Variants in LMBRD1 observed in about 807,000 individuals in gnomAD.
LMBRD1 encodes the protein LMBR1 domain containing 1, also known as lysosomal cobalamin transport escort protein LMBD1.
LMBRD1 carries 64 observed loss-of-function variants against 74.8 expected under a neutral mutation model. The observed-to-expected ratio is 0.86, with a 90% CI of 0.70 to 1.05. The LOEUF is 1.05. Among genes scored for constraint, LMBRD1 ranks in the 50% least tolerant of loss-of-function variants. LMBRD1 has a pLI of 0.00. For synonymous variants in LMBRD1, 204 were observed against 216.3 expected, an observed-to-expected ratio of 0.94 and a Z score of 0.50; for missense variants, 652 against 645.9, an observed-to-expected ratio of 1.01 and a Z score of -0.10.
intron 3 of LMBRD1, among the ~76,000 whole-genome samples, chr6:69,777,959 T>G (rs189412651): frequency 6.6e-6 from 1 of 152,356 alleles, no homozygotes; most frequent in African/African-American, 2.4e-5. Context: ...AAGAAACAGC[T>G]GAGCTTCAGG....
At chr6:69,716,230 T>C (rs539181086) in intron 8 of LMBRD1, among the ~76,000 whole-genome samples, 1 of 152,206 alleles carries the variant, frequency 6.6e-6, no homozygotes, top group Non-Finnish European at 1.5e-5. Flanking sequence ...TTTGCACTTC[T>C]ACCAACAGTG....
At chr6:69,747,457 G>T (rs1168223543) in intron 5 of LMBRD1, among the ~76,000 whole-genome samples, 3 of 152,222 alleles carry the variant, frequency 2.0e-5, no homozygotes, top group Non-Finnish European at 4.4e-5. Context: ...TGTTATGGCA[G>T]CCAAAGCAGA....
chr6:69,795,600 T>C (rs181987183), intron 1 of LMBRD1, among the ~76,000 whole-genome samples: 100 of 152,302 alleles, frequency 6.6e-4, no homozygotes, highest in Non-Finnish European at 9.0e-4. Flanking sequence ...TCTGATGGAC[T>C]GGAAAAGCCA....
At chr6:69,735,184 C>T (rs1174022558) in intron 7 of LMBRD1, among the ~76,000 whole-genome samples, 1 of 152,206 alleles carries the variant, frequency 6.6e-6, no homozygotes, top group Non-Finnish European at 1.5e-5. Context: ...ATCCCACTAG[C>T]TCAGGTTGCA....
rs138897634 is a variant in LMBRD1, at chr6:69,740,947, C to T, written c.562+842G>A. Among the ~76,000 whole-genome samples, 542 of 151,996 alleles carry T rather than the reference C, an allele frequency of 3.6e-3. 2 individuals carry two copies. The highest frequency in any genetic ancestry group is 7.9e-3 in the Admixed American group (121 of 15,278). The stretch of plus-strand genomic sequence containing the variant: ...TTTTTTTCTGTAAAAACCTAGGTCA[C>T]ACAGAGTAAGTTAAGAAAAACTTCT... On this transcript the variant is annotated intron_variant, in intron 6 of 15. Coordinates refer to ENST00000649934, the MANE Select transcript of LMBRD1 (RefSeq NM_018368.4).
In LMBRD1 at chr6:69,793,715, AATC is replaced by A. The variant is rs772628049; in HGVS notation, c.69+3095_69+3097del. On this transcript the variant is annotated intron_variant, in intron 1 of 15. Transcript: ENST00000649934. ...AAAAGTAGGCAACATTCATGTCCTG[AATC>A]TTTTTTTTTTTTTTTTTTTTTTTGA... 9.6e-4 allele frequency among the ~76,000 whole-genome samples: 126 copies of A among 130,732 alleles called. 2 individuals carry two copies. The South Asian group carries it at 0.029, about 30-fold the overall frequency. 85.8% of individuals were successfully genotyped at this position (130,732 alleles called of 152,430 possible).
chr6:69,677,391 G>C (rs567969758), intron 14 of LMBRD1, among the ~76,000 whole-genome samples: 2 of 152,256 alleles, frequency 1.3e-5, no homozygotes, highest in South Asian at 4.1e-4. Flanking sequence ...AAAGGCAGGG[G>C]AAGGTTAGAA....
At chr6:69,684,145 G>A (rs1765716371) in intron 14 of LMBRD1, among the ~76,000 whole-genome samples, 1 of 151,696 alleles carries the variant, frequency 6.6e-6, no homozygotes, top group Non-Finnish European at 1.5e-5. Flanking sequence ...ACTATCTTCA[G>A]GTATTAAAGA....
chr6:69,784,539 G>A lies in LMBRD1; in HGVS notation c.247-3985C>T, dbSNP rs191283624. Among the ~76,000 whole-genome samples the A allele has an allele frequency of 1.6e-4, 25 of 152,272 alleles. No individual in the cohort carries two copies. The East Asian group carries it at 4.6e-3, about 28-fold the overall frequency. ...TACTACAGGAATCTAGGAGGTAAGA[G>A]GTCAAGGACGCCACTAAACACCTAC... is the stretch of plus-strand genomic sequence containing the variant. On this transcript the variant is annotated intron_variant, in intron 2 of 15. Transcript: ENST00000649934.
chr6:69,759,013 A>C (rs2149881345), intron 3 of LMBRD1, among the ~76,000 whole-genome samples: 1 of 152,256 alleles, frequency 6.6e-6, no homozygotes, highest in South Asian at 2.1e-4. Flanking sequence ...GCCTGGTAGA[A>C]ATCATACCTT....
chr6:69,737,045 A>G (rs1766991857), intron 7 of LMBRD1, among the ~76,000 whole-genome samples: 1 of 152,190 alleles, frequency 6.6e-6, no homozygotes, highest in Admixed American at 6.5e-5. Flanking sequence ...TTTATTATAC[A>G]TTATGGCACG....
rs564988950 is a variant in LMBRD1 at position 69,675,611 on chromosome 6, G to A, written c.*547C>T. 1.9e-4 allele frequency among the ~76,000 whole-genome samples: 29 copies of A among 152,238 alleles called. 1 individual carries two copies. The South Asian group carries it at 5.8e-3, about 30-fold the overall frequency. On this transcript the variant is annotated 3_prime_UTR_variant, in exon 16 of 16. Coordinates refer to ENST00000649934, the MANE Select transcript of LMBRD1 (RefSeq NM_018368.4). ...TGAACAATATAACACATCTTGGAAC[G>A]CCATGCTCTTAGAGCACTAACTAGA...
chr6:69,763,723 G>A (rs1765420362), intron 3 of LMBRD1, among the ~76,000 whole-genome samples: 1 of 152,192 alleles, frequency 6.6e-6, no homozygotes. Context: ...CAGAATGGTA[G>A]AGGCAGGACC....
intron 9 of LMBRD1, among the ~76,000 whole-genome samples, chr6:69,712,361 T>C (rs868027497): frequency 6.6e-6 from 1 of 151,980 alleles, no homozygotes; most frequent in Non-Finnish European, 1.5e-5. Flanking sequence ...TAATTTTCCA[T>C]GTCAAATAAT....
chr6:69,724,366 C>T (rs952272231), intron 7 of LMBRD1, among the ~76,000 whole-genome samples: 1 of 88,442 alleles, frequency 1.1e-5, no homozygotes, highest in Non-Finnish European at 2.6e-5. Flanking sequence ...AAAAAAAAAA[C>T]ACTACAGGCC....
chr6:69,721,804 C>T (rs1239281134), intron 7 of LMBRD1, among the ~76,000 whole-genome samples: 1 of 152,220 alleles, frequency 6.6e-6, no homozygotes, highest in East Asian at 1.9e-4. Flanking sequence ...CATTTTTAGA[C>T]ATGCCCTGTC....
chr6:69,719,912 G>A (rs1402781640), intron 7 of LMBRD1, among the ~76,000 whole-genome samples: 1 of 152,140 alleles, frequency 6.6e-6, no homozygotes, highest in Non-Finnish European at 1.5e-5. Context: ...TTGAGTTCAG[G>A]ACAATGAATG....
intron 4 of LMBRD1, among the ~76,000 whole-genome samples, chr6:69,749,796 C>T (rs189187977): frequency 2.1e-4 from 31 of 149,722 alleles, no homozygotes; most frequent in African/African-American, 5.1e-4. Context: ...ACAATATATA[C>T]GTTTGTGTTT....
chr6:69,738,340 A>T (rs2149869228), intron 6 of LMBRD1, among the ~76,000 whole-genome samples: 1 of 152,282 alleles, frequency 6.6e-6, no homozygotes, highest in South Asian at 2.1e-4. Context: ...GATTAAAAAG[A>T]TCACATGGCC....
Sources: allele counts gnomAD v4.1 joint callset (sites outside exome capture counted in the v4.1 genomes callset), GRCh38; gene constraint gnomAD v4.1.1; transcripts MANE v1.5; gene names NCBI Gene and HGNC (gene_info 2026-07-23, HGNC 2026-07-21).